Variants in TSHZ3 observed in about 807,000 individuals in gnomAD.
TSHZ3 encodes the protein teashirt homolog 3.
Under a neutral mutation model 64.5 loss-of-function variants are expected in TSHZ3, and 10 were observed. The observed-to-expected ratio is 0.16, with a 90% CI of 0.10 to 0.26. TSHZ3 has a LOEUF of 0.26. Among genes scored for constraint, TSHZ3 ranks in the 10% least tolerant of loss-of-function variants. The pLI is 1.00. For missense variants in TSHZ3, 1,242 were observed against 1,421.7 expected (o/e 0.87, Z 2.03); for synonymous variants, 608 against 593.1 (o/e 1.03, Z -0.36).
At chr19:31,237,005 C>T (rs142755128) in intron 3 of TSHZ3, among the ~76,000 whole-genome samples, 5 of 152,178 alleles carry the variant, frequency 3.3e-5, no homozygotes, top group Non-Finnish European at 5.9e-5. Flanking sequence ...AAATATTAGC[C>T]GGGCGAGGTG....
intron 1 of TSHZ3, among the ~76,000 whole-genome samples, chr19:31,333,467 C>A (rs752074863): frequency 2.0e-5 from 3 of 152,112 alleles, no homozygotes; most frequent in Non-Finnish European, 4.4e-5. Flanking sequence ...GCCCTTTTCA[C>A]CCGCATATCA....
At chr19:31,211,795 G>C (rs573924395) in intron 4 of TSHZ3, among the ~76,000 whole-genome samples, 32 of 152,276 alleles carry the variant, frequency 2.1e-4, no homozygotes, top group African/African-American at 7.2e-4. Flanking sequence ...TGGCCTGGGG[G>C]TGACAAAGCA....
intron 4 of TSHZ3, among the ~76,000 whole-genome samples, chr19:31,224,785 T>G (rs1975437902): frequency 6.6e-6 from 1 of 152,234 alleles, no homozygotes; most frequent in African/African-American, 2.4e-5. Context: ...CACCAAAATT[T>G]TCTTTTATAA....
At chr19:31,322,837 T>G (rs1599648057) in intron 1 of TSHZ3, among the ~76,000 whole-genome samples, 1 of 152,222 alleles carries the variant, frequency 6.6e-6, no homozygotes, top group Non-Finnish European at 1.5e-5. Flanking sequence ...ACTGAATAAA[T>G]GAAACTAATT....
chr19:31,253,409 G>T (rs1227556331), intron 1 of TSHZ3, among the ~76,000 whole-genome samples: 5 of 152,218 alleles, frequency 3.3e-5, no homozygotes, highest in Non-Finnish European at 5.9e-5. Flanking sequence ...CCTTGGCAGA[G>T]AAATGGCTGA....
intron 1 of TSHZ3, among the ~76,000 whole-genome samples, chr19:31,260,711 G>C (rs1015726580): frequency 3.9e-5 from 6 of 152,210 alleles, no homozygotes; most frequent in African/African-American, 1.4e-4. Flanking sequence ...GACAGGAAGG[G>C]TGTGGCGCTC....
chr19:31,182,472 C>T (rs1238208251), intron 5 of TSHZ3, among the ~76,000 whole-genome samples: 1 of 152,212 alleles, frequency 6.6e-6, no homozygotes, highest in African/African-American at 2.4e-5. Flanking sequence ...TAGGTCACAC[C>T]AAAATGCACA....
Position 31,330,973 on chromosome 19 carries a change from G to A in TSHZ3, c.40+18207C>T, listed in dbSNP as rs79417927. On this transcript the variant is annotated intron_variant, in intron 1 of 1. Coordinates refer to ENST00000240587, the MANE Select transcript of TSHZ3 (RefSeq NM_020856.4). ...TGGTGGCAGAAGGACAATGGGAAAC[G>A]CAGGGCCTGCCAGGCAAATTCTAGC... Among the ~76,000 whole-genome samples the A allele has an allele frequency of 7.6e-3, 1,155 of 152,292 alleles. 16 individuals carry two copies. Among genetic ancestry groups the A allele is most frequent in the African/African-American group, 0.026 (1,063 of 41,566 alleles).
At chr19:31,333,701 A>G (rs1448504086) in intron 1 of TSHZ3, among the ~76,000 whole-genome samples, 5 of 152,090 alleles carry the variant, frequency 3.3e-5, no homozygotes, top group Admixed American at 6.5e-5. Context: ...TGCTTGTCCC[A>G]GAGCTGCCTC....
At chr19:31,301,410 T>C (rs538729169) in intron 1 of TSHZ3, among the ~76,000 whole-genome samples, 75 of 152,292 alleles carry the variant, frequency 4.9e-4, no homozygotes, top group Non-Finnish European at 8.7e-4. Context: ...GAGGCAATTA[T>C]TGAAATTAAA....
intron 1 of TSHZ3, among the ~76,000 whole-genome samples, chr19:31,323,340 T>C (rs1442900652): frequency 6.6e-6 from 1 of 152,204 alleles, no homozygotes; most frequent in Non-Finnish European, 1.5e-5. Context: ...ATTCAATGGT[T>C]TGGGGGCCTT....
At chr19:31,193,185 G>A (rs1303295510) in intron 5 of TSHZ3, among the ~76,000 whole-genome samples, 2 of 152,100 alleles carry the variant, frequency 1.3e-5, no homozygotes, top group Admixed American at 1.3e-4. Context: ...ATGACTCCAA[G>A]TCTGTACCAG....
At chr19:31,203,746 C>T (rs762737677) in intron 5 of TSHZ3, among the ~76,000 whole-genome samples, 2 of 152,080 alleles carry the variant, frequency 1.3e-5, no homozygotes, top group Non-Finnish European at 2.9e-5. Flanking sequence ...GGTACATCTT[C>T]CTTCCTTCTG....
intron 4 of TSHZ3, among the ~76,000 whole-genome samples, chr19:31,222,745 T>C (rs1482174846): frequency 6.6e-6 from 1 of 152,126 alleles, no homozygotes; most frequent in African/African-American, 2.4e-5. Flanking sequence ...TGAATCCAGG[T>C]AAGTGGCCTT....
rs2021613671 is a variant in TSHZ3, at chr19:31,349,078, GGCA to G, written c.40+99_40+101del. On this transcript the variant is annotated intron_variant, in intron 1 of 1. Transcript: ENST00000240587. ...GCGGCGCCCGGAGTTACTCAGTGCG[GGCA>G]GAAGAGCGGGGCGAGGAGCGGGGTC... 2.1e-6 allele frequency: 3 copies of G among 1,438,868 alleles called. No individual in the cohort carries two copies. In the Admixed American group the frequency reaches 6.3e-5, roughly 30 times the overall value. The allele number at this position is 1,438,868 out of a possible 1,614,324, so 89.1% of individuals were successfully genotyped here.
chr19:31,296,650 T>C (rs1020956800), intron 1 of TSHZ3, among the ~76,000 whole-genome samples: 1 of 152,160 alleles, frequency 6.6e-6, no homozygotes, highest in Admixed American at 6.5e-5. Context: ...CTGTGTCATT[T>C]TGAAAGTTAT....
intron 5 of TSHZ3, among the ~76,000 whole-genome samples, chr19:31,187,641 T>C (rs1447441485): frequency 6.6e-6 from 1 of 152,152 alleles, no homozygotes; most frequent in Non-Finnish European, 1.5e-5. Flanking sequence ...GGTTTAGTTT[T>C]TATTTTTTCA....
At position 31,277,066 on chromosome 19, in the gene TSHZ3, C is replaced by G; in HGVS notation, c.2727G>C (p.Gln909His). The change falls in exon 2 of 2, where the codon CAG (glutamine) becomes CAC (histidine). Residue 909 changes from glutamine to histidine, a missense_variant. By Grantham distance (24) the Gln-to-His change is conservative (BLOSUM62 0). Transcript: ENST00000240587. The surrounding 1 kb of genome is among the most constrained non-coding windows in gnomAD (Gnocchi z 4.5). ...NPQHLLILQA[Q>H]FAASLRQTSE... ...AGGTCTGCCGGAGGCTGGCGGCAAA[C>G]TGGGCCTGGAGGATCAGGAGGTGCT... is the stretch of plus-strand genomic sequence containing the variant. 6.2e-7 allele frequency: 1 copy of G among 1,608,786 alleles called. No individual in the cohort carries two copies. Among genetic ancestry groups the G allele is most frequent in the East Asian group, 2.2e-5 (1 of 44,794 alleles).
chr19:31,257,938 G>A (rs1975933437), intron 1 of TSHZ3, among the ~76,000 whole-genome samples: 1 of 152,212 alleles, frequency 6.6e-6, no homozygotes, highest in Non-Finnish European at 1.5e-5. Flanking sequence ...CAAACTTGGA[G>A]CCAAGCATTC....
Sources: gnomAD v4.1 joint callset for allele counts (sites outside exome capture counted in the v4.1 genomes callset) on GRCh38, gnomAD v4.1.1 for gene constraint, Gnocchi (gnomAD v3.1) non-coding constraint, MANE v1.5 for transcripts, NCBI Gene and HGNC (gene_info 2026-07-23, HGNC 2026-07-21) for gene names.